The following AFG2A variants were observed in gnomAD, a reference collection of about 807,000 sequenced individuals.
AFG2A encodes the protein AAA ATPase AFG2A.
the AFG2A span, among the ~76,000 whole-genome samples, chr4:122,960,347 A>G: frequency 1.1e-4 from 17 of 152,362 alleles, no homozygotes; most frequent in Non-Finnish European, 1.6e-4. Flanking sequence ...TAGCAGTGAC[A>G]TAAGTTTCGT....
the AFG2A span, among the ~76,000 whole-genome samples, chr4:123,137,243 A>G: frequency 6.6e-6 from 1 of 152,174 alleles, no homozygotes. Context: ...CCCCTGATTT[A>G]GGTCACTTTG....
the AFG2A span, among the ~76,000 whole-genome samples, chr4:123,123,306 A>T: frequency 6.6e-6 from 1 of 152,170 alleles, no homozygotes; most frequent in African/African-American, 2.4e-5. Context: ...AAGGAAAAAG[A>T]TGTTATCAAG....
the AFG2A span, among the ~76,000 whole-genome samples, chr4:123,084,590 A>ACG: frequency 2.8e-5 from 4 of 143,226 alleles, no homozygotes; most frequent in African/African-American, 1.1e-4. Context: ...GTATATATAT[A>ACG]TGTGTGTGTG....
At chr4:123,143,706 G>T in the AFG2A span, among the ~76,000 whole-genome samples, 1 of 151,456 alleles carries the variant, frequency 6.6e-6, no homozygotes, top group Non-Finnish European at 1.5e-5. Context: ...ATGAAGAATA[G>T]AATGTAATGC....
chr4:123,314,596 A>G, the AFG2A span: 1 of 152,220 alleles, frequency 6.6e-6, no homozygotes, highest in African/African-American at 2.4e-5. Flanking sequence ...TGTTATCATT[A>G]AAATTCATAT....
At chr4:123,172,130 T>C in the AFG2A span, among the ~76,000 whole-genome samples, 1 of 152,168 alleles carries the variant, frequency 6.6e-6, no homozygotes, top group Non-Finnish European at 1.5e-5. Context: ...TTAATACTTC[T>C]TGGAATATTT....
At chr4:123,023,047 A>AG in the AFG2A span, among the ~76,000 whole-genome samples, 1 of 81,998 alleles carries the variant, frequency 1.2e-5, no homozygotes, top group African/African-American at 4.6e-5. Context: ...GGGTTGGGGG[A>AG]GGGGGGAGGG....
At chr4:123,073,408 A>G in the AFG2A span, among the ~76,000 whole-genome samples, 6 of 152,126 alleles carry the variant, frequency 3.9e-5, no homozygotes, top group Non-Finnish European at 7.4e-5. Context: ...ATACATGCTT[A>G]AAATTCTTAA....
chr4:123,004,609 C>G, the AFG2A span, among the ~76,000 whole-genome samples: 1,742 of 152,264 alleles, frequency 0.011, 45 homozygotes, highest in African/African-American at 0.039. Flanking sequence ...TCCTTTTGCA[C>G]ATTGCTGAAT....
At chr4:123,304,488 G>C in the AFG2A span, among the ~76,000 whole-genome samples, 2 of 152,192 alleles carry the variant, frequency 1.3e-5, no homozygotes, top group African/African-American at 4.8e-5. Context: ...CGGGTGAGCA[G>C]AGGCAACACA....
the AFG2A span, among the ~76,000 whole-genome samples, chr4:123,265,055 C>T: frequency 6.6e-6 from 1 of 152,034 alleles, no homozygotes; most frequent in South Asian, 2.1e-4. Flanking sequence ...GAATGGGGAC[C>T]TTAAATGACT....
At chr4:123,027,531 T>C in the AFG2A span, among the ~76,000 whole-genome samples, 1 of 152,188 alleles carries the variant, frequency 6.6e-6, no homozygotes, top group Non-Finnish European at 1.5e-5. Flanking sequence ...TTTGTTATTG[T>C]ACTTAGTATC....
the AFG2A span, among the ~76,000 whole-genome samples, chr4:123,249,961 CCATGAAT>C: frequency 6.6e-6 from 1 of 152,118 alleles, no homozygotes; most frequent in Non-Finnish European, 1.5e-5. Context: ...ACTATTCTCT[CCATGAAT>C]CATGATTCAT....
the AFG2A span, among the ~76,000 whole-genome samples, chr4:123,019,879 C>T: frequency 6.6e-6 from 1 of 152,084 alleles, no homozygotes; most frequent in East Asian, 1.9e-4. Flanking sequence ...ATTTTAGCCA[C>T]AGTACAATAG....
chr4:122,981,277 T>C, the AFG2A span, among the ~76,000 whole-genome samples: 15 of 152,296 alleles, frequency 9.8e-5, no homozygotes, highest in Admixed American at 9.8e-4. Flanking sequence ...TTTAAAGAGA[T>C]TGTGCTTTCG....
At chr4:123,314,018 G>A in the AFG2A span, 265 of 1,609,636 alleles carry the variant, frequency 1.6e-4, no homozygotes, top group Middle Eastern at 8.3e-4. Flanking sequence ...TCATTGAGAC[G>A]TTTTTATGAA....
the AFG2A span, among the ~76,000 whole-genome samples, chr4:123,208,253 T>G: frequency 1.3e-5 from 2 of 152,174 alleles, no homozygotes; most frequent in African/African-American, 2.4e-5. Context: ...AAAATTGAAG[T>G]TGGACCCCTA....
At chr4:122,969,820 C>G in the AFG2A span, among the ~76,000 whole-genome samples, 5 of 152,072 alleles carry the variant, frequency 3.3e-5, no homozygotes, top group African/African-American at 1.2e-4. Flanking sequence ...TTCTTAGGTA[C>G]TTTGGTTTTT....
chr4:122,945,147 G>A, the AFG2A span, among the ~76,000 whole-genome samples: 16 of 152,174 alleles, frequency 1.1e-4, no homozygotes, highest in Admixed American at 4.6e-4. Flanking sequence ...CGTGCTGGGA[G>A]AACCACGGCT....
Sources: allele counts gnomAD v4.1 joint callset (sites outside exome capture counted in the v4.1 genomes callset), GRCh38; gene constraint gnomAD v4.1.1; transcripts MANE v1.5; gene names NCBI Gene and HGNC (gene_info 2026-07-23, HGNC 2026-07-21).